The following MCMDC2 variants were observed in gnomAD, a reference collection of about 807,000 sequenced individuals.
MCMDC2 encodes the protein minichromosome maintenance domain containing 2.
A neutral mutation model predicts 75.8 loss-of-function variants in MCMDC2; 54 were observed. The observed-to-expected ratio is 0.71, with a 90% confidence interval of 0.57 to 0.89. The LOEUF (loss-of-function observed/expected upper bound fraction) is 0.89, where lower values mean the gene tolerates loss of function less well. MCMDC2 is among the 40% of genes least tolerant of loss of function. MCMDC2 has a pLI of 0.00. For missense variants in MCMDC2, 656 were observed against 780.4 expected (o/e 0.84, Z 1.90); for synonymous variants, 249 against 274.6 (o/e 0.91, Z 0.92).
intron 5 of MCMDC2, 86 bp downstream of exon 5, chr8:66,877,630 T>C (rs1811355467): frequency 7.2e-6 from 7 of 972,348 alleles, no homozygotes; most frequent in Non-Finnish European, 1.0e-5. Context: ...TTTGGGAAGC[T>C]GAGGAGGGAG....
At chr8:66,879,825 G>A (rs1383277737) in intron 7 of MCMDC2, among the ~76,000 whole-genome samples, 1 of 152,084 alleles carries the variant, frequency 6.6e-6, no homozygotes, top group African/African-American at 2.4e-5. Flanking sequence ...AAGACAATGG[G>A]ATCTCCTATT....
intron 14 of MCMDC2, among the ~76,000 whole-genome samples, chr8:66,915,665 G>T (rs1813288858): frequency 6.6e-6 from 1 of 151,576 alleles, no homozygotes; most frequent in African/African-American, 2.4e-5. Context: ...AGAGATAAAA[G>T]AATCTGGAGC....
intron 10 of MCMDC2, among the ~76,000 whole-genome samples, chr8:66,892,200 G>A (rs1812140411): frequency 6.6e-6 from 1 of 152,206 alleles, no homozygotes; most frequent in South Asian, 2.1e-4. Context: ...TTACAGCTCT[G>A]ACTCAGGAAA....
chr8:66,906,579 A>G (rs979975178), intron 14 of MCMDC2, among the ~76,000 whole-genome samples: 2 of 152,024 alleles, frequency 1.3e-5, no homozygotes, highest in African/African-American at 4.8e-5. Context: ...TAGAGCATTA[A>G]TTTTTATGAA....
intron 10 of MCMDC2, among the ~76,000 whole-genome samples, chr8:66,895,190 A>G (rs796696488): frequency 7.9e-5 from 12 of 152,280 alleles, no homozygotes; most frequent in African/African-American, 2.9e-4. Flanking sequence ...AAATTGTTAT[A>G]CTGTGTTGTT....
In MCMDC2 at chr8:66,912,238, G is replaced by A. The variant is rs183884698; in HGVS notation, c.1880-6765G>A. 2.4e-3 allele frequency among the ~76,000 whole-genome samples: 371 copies of A among 152,270 alleles called. 3 individuals are homozygous for A. Among genetic ancestry groups the A allele is most frequent in the African/African-American group, 6.2e-3 (259 of 41,546 alleles). On this transcript the variant is annotated intron_variant, in intron 14 of 14. Transcript: ENST00000422365. The stretch of plus-strand genomic sequence containing the variant: ...TGGAGGAAGTAACTGCAAATGTGGC[G>A]GCAACAGCAAGAGAACTAGAATTAG...
chr8:66,923,528 CAAAA>C (rs200363391), downstream of MCMDC2, among the ~76,000 whole-genome samples: 1 of 151,880 alleles, frequency 6.6e-6, no homozygotes, highest in African/African-American at 2.4e-5. Flanking sequence ...TTAACTGAAA[CAAAA>C]AAAGTTTCAG....
intron 13 of MCMDC2, 109 bp from the exon 14 acceptor site, chr8:66,905,117 T>C (rs1157184219): frequency 1.2e-6 from 1 of 857,514 alleles, no homozygotes; most frequent in African/African-American, 1.8e-5. Context: ...AGTAAGAATA[T>C]GCTTTAGGTG....
At chr8:66,879,018 G>T in intron 7 of MCMDC2, 99 bp downstream of exon 7, 2 of 728,142 alleles carry the variant, frequency 2.7e-6, no homozygotes, top group Non-Finnish European at 4.8e-6. Flanking sequence ...CACTTTTGGA[G>T]GCTGAGGTGG....
rs753555437 is a variant in MCMDC2 at position 66,878,865 on chromosome 8, G to A, written c.655G>A (p.Gly219Arg). 2.6e-5 allele frequency: 42 copies of A among 1,610,516 alleles called. No homozygotes were observed. In the East Asian group the frequency reaches 9.2e-4, roughly 35 times the overall value. The change falls in exon 7 of 15, where the codon GGA becomes AGA. Residue 219 changes from glycine (G) to arginine (R), a missense_variant. Transcript: ENST00000422365. ...IATKALRAFQ[G>R]YSNNQPFRFQ... is the part of the protein sequence containing the mutation. ...CACAAAGGCACTTCGTGCTTTTCAA[G>A]GATATTCTAACAACCAGCCATTTAG...
In MCMDC2 at chr8:66,891,918, G is replaced by A. The variant is rs548961575; in HGVS notation, c.1279+848G>A. Among the ~76,000 whole-genome samples the A allele has an allele frequency of 7.9e-5, 12 of 152,310 alleles. No homozygotes were observed. The South Asian group carries it at 2.3e-3, about 29-fold the overall frequency. On this transcript the variant is annotated intron_variant, in intron 10 of 14. Transcript: ENST00000422365. ...AGGCATACTGCAAGTGGCTTCTACT[G>A]AGGGCCCTGGTGTCTGGATGAGGGG...
chr8:66,874,496 T>A (rs759577269), intron 3 of MCMDC2, 31 bp from the exon 4 acceptor site: 2 of 1,612,086 alleles, frequency 1.2e-6, no homozygotes, highest in Non-Finnish European at 1.7e-6. Flanking sequence ...CACATGGAAT[T>A]TTTGGTAACT....
chr8:66,877,315 A>G (rs953176109), intron 4 of MCMDC2, 34 bp from the exon 5 acceptor site: 4 of 1,406,490 alleles, frequency 2.8e-6, no homozygotes, highest in Non-Finnish European at 2.9e-6. Flanking sequence ...TGGATTTGCA[A>G]TTTTCATTAA....
intron 6 of MCMDC2, 21 bp from the exon 7 acceptor site, chr8:66,878,794 T>A: frequency 6.6e-7 from 1 of 1,518,374 alleles, no homozygotes; most frequent in East Asian, 2.3e-5. Flanking sequence ...TATCTAATTA[T>A]TTTTTGCTCT....
chr8:66,877,344 A>T lies in MCMDC2; in HGVS notation c.286-5A>T. The T allele has an allele frequency of 6.3e-7, 1 of 1,574,840 alleles. No homozygotes were observed. The highest frequency in any genetic ancestry group is 1.2e-5 in the South Asian group (1 of 86,184). ...TCATTAATACCATTTTTATGTTCTT[A>T]TTAGATTAATATAGTGCTGAAATTA... On this transcript the variant is annotated splice_polypyrimidine_tract_variant and splice_region_variant and intron_variant, in intron 4 of 14. Transcript: ENST00000422365.
chr8:66,912,419 G>A (rs919197435), intron 14 of MCMDC2, among the ~76,000 whole-genome samples: 8 of 152,214 alleles, frequency 5.3e-5, no homozygotes, highest in African/African-American at 1.9e-4. Context: ...TGACAACAAA[G>A]GATTTAGAAT....
At chr8:66,882,606 C>T (rs984003807) in intron 8 of MCMDC2, among the ~76,000 whole-genome samples, 5 of 152,124 alleles carry the variant, frequency 3.3e-5, no homozygotes, top group Admixed American at 6.5e-5. Context: ...CCTCATGATC[C>T]GCCCACCTTG....
intron 14 of MCMDC2, among the ~76,000 whole-genome samples, chr8:66,909,597 A>C (rs977657694): frequency 1.3e-5 from 2 of 152,224 alleles, no homozygotes; most frequent in Non-Finnish European, 2.9e-5. Flanking sequence ...TGTGCTTTAC[A>C]AAGAGAAAGA....
chr8:66,871,597 A>G (rs1811020511), intron 1 of MCMDC2: 1 of 152,092 alleles, frequency 6.6e-6, no homozygotes, highest in Admixed American at 6.6e-5. Flanking sequence ...TACTTTCCAC[A>G]TTGGCAGCAG....
Sources: allele counts gnomAD v4.1 joint callset (sites outside exome capture counted in the v4.1 genomes callset), GRCh38; gene constraint gnomAD v4.1.1; transcripts MANE v1.5; gene names NCBI Gene and HGNC (gene_info 2026-07-23, HGNC 2026-07-21).